The following ST6GALNAC3 variants were observed in gnomAD, a reference collection of about 807,000 sequenced individuals.
ST6GALNAC3 encodes alpha-N-acetylgalactosaminide alpha-2,6-sialyltransferase 3.
A neutral mutation model predicts 32.7 loss-of-function variants in ST6GALNAC3; 25 were observed. The ratio of observed to expected loss-of-function variants is 0.76; its 90% confidence interval spans 0.56 to 1.07. The LOEUF (loss-of-function observed/expected upper bound fraction) is 1.07. Ranked by LOEUF, ST6GALNAC3 falls within the 50% of genes least tolerant of loss-of-function variation. The pLI, the probability that ST6GALNAC3 is intolerant of heterozygous loss-of-function variation, is 0.00. For synonymous variants in ST6GALNAC3, 129 were observed against 133.1 expected, an observed-to-expected ratio of 0.97 and a Z score of 0.21; for missense variants, 355 against 382.4, an observed-to-expected ratio of 0.93 and a Z score of 0.60.
chr1:76,374,904 TG>T (rs1651100791), intron 2 of ST6GALNAC3, among the ~76,000 whole-genome samples: 3 of 145,096 alleles, frequency 2.1e-5, no homozygotes, highest in South Asian at 2.7e-4. Context: ...AACCAAAAAA[TG>T]TTTTTTTTGT....
intron 2 of ST6GALNAC3, among the ~76,000 whole-genome samples, chr1:76,380,008 T>C (rs1204898850): frequency 6.6e-6 from 1 of 152,048 alleles, no homozygotes; most frequent in Non-Finnish European, 1.5e-5. Context: ...ATCTGAATCA[T>C]GGAAGAAGCA....
At chr1:76,078,731 G>T (rs61771321) in intron 1 of ST6GALNAC3, among the ~76,000 whole-genome samples, 23,848 of 152,100 alleles carry the variant, frequency 0.16, 2,216 homozygotes, top group Middle Eastern at 0.33. Context: ...CAGCTCTCCT[G>T]TGTAGCTCTA....
intron 2 of ST6GALNAC3, among the ~76,000 whole-genome samples, chr1:76,366,107 T>C (rs1218739592): frequency 6.6e-6 from 1 of 152,232 alleles, no homozygotes; most frequent in African/African-American, 2.4e-5. Context: ...ATTCTCTGAC[T>C]TGCTTCATAA....
At chr1:76,474,009 G>A (rs1436747750) in intron 3 of ST6GALNAC3, among the ~76,000 whole-genome samples, 1 of 152,034 alleles carries the variant, frequency 6.6e-6, no homozygotes, top group East Asian at 1.9e-4. Flanking sequence ...GAGACCCAGG[G>A]GATGAAAAAC....
intron 2 of ST6GALNAC3, among the ~76,000 whole-genome samples, chr1:76,350,581 A>G (rs1186369859): frequency 6.6e-6 from 1 of 152,208 alleles, no homozygotes; most frequent in Non-Finnish European, 1.5e-5. Context: ...AAGAATCATC[A>G]ATAAGATGGG....
At chr1:76,273,340 A>G (rs1570651192) in intron 1 of ST6GALNAC3, among the ~76,000 whole-genome samples, 1 of 152,194 alleles carries the variant, frequency 6.6e-6, no homozygotes, top group South Asian at 2.1e-4. Context: ...AGTAAGATTT[A>G]TCACATGAAA....
intron 3 of ST6GALNAC3, among the ~76,000 whole-genome samples, chr1:76,559,817 A>C (rs393296): frequency 0.32 from 48,892 of 152,068 alleles, 10,343 homozygotes; most frequent in African/African-American, 0.61. Flanking sequence ...CATGCCCCAG[A>C]GGTGACAGCA....
chr1:76,310,132 G>A (rs539850560), intron 1 of ST6GALNAC3: 1 of 357,704 alleles, frequency 2.8e-6, no homozygotes, highest in South Asian at 2.1e-5. Context: ...TCCCATCTGG[G>A]TCTCCTTCAA....
chr1:76,097,959 CT>C (rs1647163649), intron 1 of ST6GALNAC3, among the ~76,000 whole-genome samples: 1 of 151,718 alleles, frequency 6.6e-6, no homozygotes, highest in Non-Finnish European at 1.5e-5. Flanking sequence ...AAAATAATTG[CT>C]CTCATACAAA....
intron 2 of ST6GALNAC3, among the ~76,000 whole-genome samples, chr1:76,372,576 G>A (rs1650916224): frequency 6.6e-6 from 1 of 151,820 alleles, no homozygotes; most frequent in South Asian, 2.1e-4. Context: ...TAAAACTTCA[G>A]TGTCAATGGG....
At chr1:76,189,042 T>A (rs902955826) in intron 1 of ST6GALNAC3, among the ~76,000 whole-genome samples, 9 of 152,222 alleles carry the variant, frequency 5.9e-5, no homozygotes, top group South Asian at 2.1e-4. Context: ...AATTATGCTG[T>A]ACTAGCTTCT....
In ST6GALNAC3 at chr1:76,604,689, G is replaced by C. The variant is rs539903239; in HGVS notation, c.624-22763G>C. Reference sequence around the variant, plus strand: ...TTCATATTGGAATTTCTCAAGCTATGATCCCACAGACATTTCAGATTTAAC... The same window carrying C: ...TTCATATTGGAATTTCTCAAGCTATCATCCCACAGACATTTCAGATTTAAC... On this transcript the variant is annotated intron_variant, in intron 3 of 4. Transcript: ENST00000328299. Among the ~76,000 whole-genome samples, 3 of 152,254 alleles carry C rather than the reference G, an allele frequency of 2.0e-5. No individual in the cohort carries two copies. In the South Asian group the frequency reaches 6.2e-4, roughly 32 times the overall value.
intron 3 of ST6GALNAC3, among the ~76,000 whole-genome samples, chr1:76,472,977 G>T (rs1304431629): frequency 6.6e-6 from 1 of 152,082 alleles, no homozygotes; most frequent in Non-Finnish European, 1.5e-5. Context: ...GGCGAGTGAG[G>T]ATGGAATTCA....
chr1:76,307,289 C>T (rs1016004819), intron 1 of ST6GALNAC3, among the ~76,000 whole-genome samples: 32 of 152,052 alleles, frequency 2.1e-4, no homozygotes, highest in Admixed American at 1.0e-3. Flanking sequence ...TTTGATTCAA[C>T]GATGAAATAA....
intron 2 of ST6GALNAC3, among the ~76,000 whole-genome samples, chr1:76,323,656 CATA>C (rs1262272471): frequency 6.6e-6 from 1 of 151,996 alleles, no homozygotes; most frequent in Admixed American, 6.6e-5. Context: ...AAAATTTTTT[CATA>C]ATGTTAAAGG....
chr1:76,278,962 C>T lies in ST6GALNAC3; in HGVS notation c.19-34843C>T, dbSNP rs1264927858. On this transcript the variant is annotated intron_variant, in intron 1 of 4. Coordinates refer to ENST00000328299, the MANE Select transcript of ST6GALNAC3 (RefSeq NM_152996.4). ...TTTCTAAGCATTTGAGTACAATGACCGGAATGGATAATCCTTTCTGTAGAC... is the reference window on the plus strand; with the variant it reads ...TTTCTAAGCATTTGAGTACAATGACTGGAATGGATAATCCTTTCTGTAGAC... Among the ~76,000 whole-genome samples, 7 of 152,174 alleles carry T rather than the reference C, an allele frequency of 4.6e-5. No individual in the cohort carries two copies. In the South Asian group the frequency reaches 6.2e-4, roughly 14 times the overall value.
chr1:76,415,664 T>C (rs773595039), intron 3 of ST6GALNAC3, among the ~76,000 whole-genome samples: 26 of 152,100 alleles, frequency 1.7e-4, no homozygotes, highest in Non-Finnish European at 2.9e-4. Flanking sequence ...CCTGGTATTA[T>C]GGAATGTTTC....
chr1:76,494,148 A>G (rs1452508082), intron 3 of ST6GALNAC3, among the ~76,000 whole-genome samples: 1 of 151,840 alleles, frequency 6.6e-6, no homozygotes. Flanking sequence ...TTCCTGATAC[A>G]TTTATTATCT....
chr1:76,518,453 TTTC>T (rs987314984), intron 3 of ST6GALNAC3, among the ~76,000 whole-genome samples: 1 of 152,072 alleles, frequency 6.6e-6, no homozygotes, highest in Non-Finnish European at 1.5e-5. Context: ...CTTGTTTATT[TTTC>T]TTCTTCTTTT....
Sources: gnomAD v4.1 joint callset for allele counts (sites outside exome capture counted in the v4.1 genomes callset) on GRCh38, gnomAD v4.1.1 for gene constraint, MANE v1.5 for transcripts, NCBI Gene and HGNC (gene_info 2026-07-23, HGNC 2026-07-21) for gene names.